ZCWPW2: variants seen among roughly 807,000 people sequenced by gnomAD.
ZCWPW2 encodes the protein zinc finger CW-type PWWP domain protein 2.
A neutral mutation model predicts 46.6 loss-of-function variants in ZCWPW2; 45 were observed. That is an observed-to-expected ratio of 0.96 (90% CI 0.76 to 1.24). The LOEUF (loss-of-function observed/expected upper bound fraction) is 1.24. Among genes scored for constraint, ZCWPW2 ranks in the 50% most tolerant of loss-of-function variants. The pLI is 0.00. For missense variants in ZCWPW2, 429 were observed against 403.9 expected, an observed-to-expected ratio of 1.06 and a Z score of -0.53; for synonymous variants, 152 against 137.1, an observed-to-expected ratio of 1.11 and a Z score of -0.76.
intron 4 of ZCWPW2, among the ~76,000 whole-genome samples, chr3:28,452,361 T>G (rs1698258530): frequency 6.6e-6 from 1 of 152,200 alleles, no homozygotes; most frequent in Admixed American, 6.5e-5. Context: ...CTCGGCTCAC[T>G]GCAACCTCTG....
chr3:28,450,347 A>G (rs1698176988), intron 4 of ZCWPW2, among the ~76,000 whole-genome samples: 1 of 152,214 alleles, frequency 6.6e-6, no homozygotes, highest in East Asian at 1.9e-4. Flanking sequence ...AATAGTAATC[A>G]GTTTAACTGA....
At chr3:28,457,744 A>G (rs953157421) in intron 4 of ZCWPW2, among the ~76,000 whole-genome samples, 4 of 152,182 alleles carry the variant, frequency 2.6e-5, no homozygotes, top group Admixed American at 2.0e-4. Context: ...AGAGTTTACA[A>G]CTTTTTTTTG....
intron 4 of ZCWPW2, among the ~76,000 whole-genome samples, chr3:28,465,218 T>TG (rs1235340752): frequency 6.6e-6 from 1 of 152,214 alleles, no homozygotes. Context: ...TATTTTAAGA[T>TG]GGAACTTAAC....
chr3:28,444,504 C>T (rs1159572288), intron 4 of ZCWPW2, among the ~76,000 whole-genome samples: 1 of 152,150 alleles, frequency 6.6e-6, no homozygotes, highest in African/African-American at 2.4e-5. Context: ...GTGTCCCCAG[C>T]TTCATCAGGG....
At chr3:28,434,340 T>C (rs1422297009) in intron 3 of ZCWPW2, among the ~76,000 whole-genome samples, 3 of 151,824 alleles carry the variant, frequency 2.0e-5, no homozygotes, top group South Asian at 2.1e-4. Flanking sequence ...CTGCATATTA[T>C]GAAATAGAAA....
At chr3:28,388,660 A>C in intron 1 of ZCWPW2, among the ~76,000 whole-genome samples, 1 of 149,140 alleles carries the variant, frequency 6.7e-6, no homozygotes, top group South Asian at 2.1e-4. Flanking sequence ...ATTCATAATA[A>C]AATAAGGAAG....
At chr3:28,375,056 A>G (rs1043961387) in intron 1 of ZCWPW2, among the ~76,000 whole-genome samples, 9 of 151,796 alleles carry the variant, frequency 5.9e-5, no homozygotes, top group Non-Finnish European at 4.4e-5. Flanking sequence ...CCTCTTGCTG[A>G]ATTCACGCCT....
chr3:28,349,042 T>A lies in ZCWPW2; in HGVS notation c.-295T>A, dbSNP rs1704411818. ...CAGGGACGCGCGAGGAAACCGGAAG[T>A]CAGGCCCGAGGGAGCTGGGAGGGCG... On this transcript the variant is annotated 5_prime_UTR_variant, in exon 1 of 10. Coordinates refer to ENST00000383768, the MANE Select transcript of ZCWPW2 (RefSeq NM_001040432.4). 1.0e-6 allele frequency: 1 copy of A among 986,246 alleles called. No individual in the cohort carries two copies. Among genetic ancestry groups the A allele is most frequent in the African/African-American group, 1.7e-5 (1 of 57,336 alleles). 61.1% of individuals were successfully genotyped at this position (986,246 alleles called of 1,614,324 possible).
chr3:28,477,975 TTTC>T (rs1394176071), intron 4 of ZCWPW2, among the ~76,000 whole-genome samples: 1 of 152,144 alleles, frequency 6.6e-6, no homozygotes, highest in African/African-American at 2.4e-5. Context: ...TCATTTTGTT[TTTC>T]TTCTTAAAAT....
intron 7 of ZCWPW2, among the ~76,000 whole-genome samples, chr3:28,515,301 G>A (rs1446343455): frequency 1.3e-5 from 2 of 152,188 alleles, no homozygotes; most frequent in East Asian, 3.9e-4. Context: ...TTTTGGAGGA[G>A]GATTATGAAA....
At chr3:28,481,790 C>T (rs1348375175) in intron 5 of ZCWPW2, among the ~76,000 whole-genome samples, 2 of 152,008 alleles carry the variant, frequency 1.3e-5, no homozygotes, top group Non-Finnish European at 2.9e-5. Flanking sequence ...TTCAACCCAA[C>T]CACCTAAGTT....
At chr3:28,482,530 C>G (rs1047595536) in intron 5 of ZCWPW2, among the ~76,000 whole-genome samples, 2 of 151,116 alleles carry the variant, frequency 1.3e-5, no homozygotes, top group African/African-American at 4.9e-5. Context: ...AACACAATTG[C>G]TGATCATATG....
At position 28,349,212 on chromosome 3, in the gene ZCWPW2, G is replaced by C. The variant is rs983343220; in HGVS notation, c.-134+9G>C. 1 of 985,170 alleles carries C rather than the reference G, an allele frequency of 1.0e-6. No homozygotes were observed. Among genetic ancestry groups the C allele is most frequent in the African/African-American group, 1.7e-5 (1 of 57,232 alleles). 61.0% of individuals were successfully genotyped at this position (985,170 alleles called of 1,614,324 possible). A position where few individuals can be genotyped will look rare whatever the true frequency, so the allele number is the denominator to read the frequency against. On this transcript the variant is annotated intron_variant, in intron 1 of 9. Coordinates refer to ENST00000383768, the MANE Select transcript of ZCWPW2 (RefSeq NM_001040432.4). ...AGGCGGAGTGGAGTTAGGTAAGAGCGTTACCAGCCGTCTTGTCTGTTGGGC... is the reference window on the plus strand; with the variant it reads ...AGGCGGAGTGGAGTTAGGTAAGAGCCTTACCAGCCGTCTTGTCTGTTGGGC...
intron 6 of ZCWPW2, among the ~76,000 whole-genome samples, chr3:28,512,711 T>C (rs1700461763): frequency 6.6e-6 from 1 of 152,136 alleles, no homozygotes; most frequent in Non-Finnish European, 1.5e-5. Context: ...TCAGTGTATC[T>C]AATCAGCTCT....
intron 1 of ZCWPW2, among the ~76,000 whole-genome samples, chr3:28,380,967 TA>T (rs1695046661): frequency 2.1e-4 from 7 of 33,438 alleles, no homozygotes; most frequent in African/African-American, 2.8e-4. Context: ...TATATATATA[TA>T]TATTTGGTAT....
intron 4 of ZCWPW2, among the ~76,000 whole-genome samples, chr3:28,444,702 A>G (rs773293565): frequency 6.6e-6 from 1 of 152,190 alleles, no homozygotes; most frequent in Non-Finnish European, 1.5e-5. Context: ...ACTTAGGGCA[A>G]TCTTAGCAGA....
chr3:28,381,834 C>T (rs943119662), intron 1 of ZCWPW2, among the ~76,000 whole-genome samples: 2 of 151,964 alleles, frequency 1.3e-5, no homozygotes, highest in Non-Finnish European at 2.9e-5. Flanking sequence ...TTTGCTAGGA[C>T]TTCTGTAACA....
chr3:28,374,534 G>T (rs921951933), intron 1 of ZCWPW2, among the ~76,000 whole-genome samples: 1 of 152,068 alleles, frequency 6.6e-6, no homozygotes, highest in African/African-American at 2.4e-5. Flanking sequence ...GATTGATAGG[G>T]ATTATATTGA....
chr3:28,435,485 CTTT>C (rs1197458440), intron 4 of ZCWPW2, among the ~76,000 whole-genome samples: 2 of 134,142 alleles, frequency 1.5e-5, no homozygotes, highest in Non-Finnish European at 1.6e-5. Flanking sequence ...TTCTTTCTGT[CTTT>C]TTTTTTTTTT....
Sources: allele counts gnomAD v4.1 joint callset (sites outside exome capture counted in the v4.1 genomes callset), GRCh38; gene constraint gnomAD v4.1.1; transcripts MANE v1.5; gene names NCBI Gene and HGNC (gene_info 2026-07-23, HGNC 2026-07-21).